The following CFAP99 variants were observed in gnomAD, a reference collection of about 807,000 sequenced individuals.
CFAP99 encodes cilia- and flagella-associated protein 99.
Under a neutral mutation model 82.7 loss-of-function variants are expected in CFAP99, and 84 were observed. That is an observed-to-expected ratio of 1.02 (90% CI 0.85 to 1.22). The LOEUF (loss-of-function observed/expected upper bound fraction) is 1.22, where lower values mean the gene tolerates loss of function less well. Ranked by LOEUF, CFAP99 falls within the 50% of genes most tolerant of loss-of-function variation. The pLI is 0.00. For missense variants in CFAP99, 1,059 were observed against 983.5 expected (o/e 1.08, Z -1.03); for synonymous variants, 456 against 429.5 (o/e 1.06, Z -0.76).
Position 2,436,271 on chromosome 4 carries a change from C to T in CFAP99, c.112-603C>T, listed in dbSNP as rs79655675. On this transcript the variant is annotated intron_variant, in intron 2 of 14. Coordinates refer to ENST00000635017, the Ensembl canonical transcript of CFAP99. ...TACCCGGCTAAGTTTACACTTGACA[C>T]GCCCTTGCAGAGATGTTCCTTGCTC... Among the ~76,000 whole-genome samples the T allele has an allele frequency of 1.1e-4, 16 of 152,214 alleles. No homozygotes were observed. In the East Asian group the frequency reaches 2.7e-3, roughly 26 times the overall value.
In CFAP99 at chr4:2,446,400, T is replaced by TATTATTATG. The variant is rs2108727659; in HGVS notation, c.642+1100_642+1101insGATTATTAT. On this transcript the variant is annotated intron_variant, in intron 6 of 14. Coordinates refer to ENST00000635017, the Ensembl canonical transcript of CFAP99. This position sits in a 1 kb window ranked among gnomAD's most constrained non-coding sequence, Gnocchi z 5.0. ...TTATTATTATTATTATTATTATTAT[T>TATTATTATG]ATTATTATTTGAGACAGAGTCTCGC... Among the ~76,000 whole-genome samples, 1 of 73,606 alleles carries TATTATTATG rather than the reference T, an allele frequency of 1.4e-5. No homozygotes were observed. Among genetic ancestry groups the TATTATTATG allele is most frequent in the African/African-American group, 5.1e-5 (1 of 19,538 alleles). 48.3% of individuals were successfully genotyped at this position (73,606 alleles called of 152,430 possible). A position where few individuals can be genotyped will look rare whatever the true frequency, so the allele number is the denominator to read the frequency against.
At chr4:2,432,059 G>A (rs1733812104) in intron 2 of CFAP99, among the ~76,000 whole-genome samples, 1 of 152,228 alleles carries the variant, frequency 6.6e-6, no homozygotes, top group Admixed American at 6.5e-5. Context: ...TTGCTCATAT[G>A]AGAAGCAGTC....
intron 2 of CFAP99, among the ~76,000 whole-genome samples, chr4:2,432,234 A>G (rs374964735): frequency 7.9e-5 from 12 of 152,310 alleles, no homozygotes; most frequent in Admixed American, 2.0e-4. Context: ...AGGAGAGGAG[A>G]AAGGCAAACA....
chr4:2,426,523 C>T (rs1381121607), exon 2 of CFAP99: 3 of 1,535,934 alleles, frequency 2.0e-6, no homozygotes, highest in Non-Finnish European at 2.6e-6. Context: ...AGCAACTCGA[C>T]AAATTTACAC....
chr4:2,456,523 G>C (rs2108734630), intron 11 of CFAP99, among the ~76,000 whole-genome samples: 1 of 152,208 alleles, frequency 6.6e-6, no homozygotes, highest in African/African-American at 2.4e-5. Flanking sequence ...CAAAAAAAAT[G>C]TTTGTTTGTT....
chr4:2,439,443 G>C (rs568158014), intron 4 of CFAP99, among the ~76,000 whole-genome samples: 3 of 152,280 alleles, frequency 2.0e-5, no homozygotes, highest in Admixed American at 6.5e-5. Flanking sequence ...AGCTCTTCAG[G>C]GGGTGTTCCA....
intron 4 of CFAP99, among the ~76,000 whole-genome samples, chr4:2,442,419 A>C (rs1056360411): frequency 9.9e-5 from 15 of 152,060 alleles, no homozygotes; most frequent in Admixed American, 9.8e-4. Context: ...TGGAGAAGAG[A>C]AGGGCGTGGA....
chr4:2,442,239 A>G (rs1170785038), intron 4 of CFAP99, among the ~76,000 whole-genome samples: 1 of 152,046 alleles, frequency 6.6e-6, no homozygotes, highest in African/African-American at 2.4e-5. Context: ...GTCTGCTCCC[A>G]AATGGGGGTG....
chr4:2,438,092 C>A lies in CFAP99; in HGVS notation c.279C>A (p.Phe93Leu), dbSNP rs560905925. ...TAGTGATCTGCTACCTAGCCACATT[C>A]CTGCTGGAGGAACTCGGCTTCCAGC... The change falls in exon 4 of 15, where the codon TTC becomes TTA. Residue 93 changes from phenylalanine (F) to leucine (L), a missense_variant. Transcript: ENST00000635017. 1.6e-4 allele frequency: 243 copies of A among 1,534,980 alleles called. 1 individual carries two copies. Among genetic ancestry groups the A allele is most frequent in the Middle Eastern group, 1.3e-3 (8 of 5,988 alleles).
intron 8 of CFAP99, chr4:2,450,422 G>A (rs994309595): frequency 1.2e-4 from 35 of 293,560 alleles, no homozygotes; most frequent in Non-Finnish European, 2.1e-4. Flanking sequence ...GGTGGCAAGG[G>A]TCCCACCATG....
chr4:2,455,016 C>T (rs1287450563), intron 11 of CFAP99, among the ~76,000 whole-genome samples: 2 of 152,150 alleles, frequency 1.3e-5, no homozygotes, highest in Non-Finnish European at 2.9e-5. Context: ...GCCTCTCAGG[C>T]TCAAACCATC....
chr4:2,425,299 G>A (rs147750895), intron 1 of CFAP99, among the ~76,000 whole-genome samples: 1 of 152,266 alleles, frequency 6.6e-6, no homozygotes, highest in Non-Finnish European at 1.5e-5. Flanking sequence ...GTGACACCTG[G>A]CCTCCCCTTC....
chr4:2,452,736 T>C (rs1367457415), intron 11 of CFAP99, among the ~76,000 whole-genome samples: 1 of 152,196 alleles, frequency 6.6e-6, no homozygotes, highest in Non-Finnish European at 1.5e-5. Flanking sequence ...TTTTAAGGTT[T>C]GCCTTTTCTT....
intron 14 of CFAP99, among the ~76,000 whole-genome samples, chr4:2,460,718 G>A (rs1393803767): frequency 1.3e-5 from 2 of 152,088 alleles, no homozygotes; most frequent in Non-Finnish European, 2.9e-5. Flanking sequence ...CATTTCCCCA[G>A]GTGTCCAAAG....
exon 2 of CFAP99, chr4:2,426,585 A>G (rs1227455222): frequency 6.5e-7 from 1 of 1,533,296 alleles, no homozygotes; most frequent in Non-Finnish European, 8.7e-7. Context: ...ACCTCCCTGC[A>G]GGTAGGATCT....
At chr4:2,425,871 G>A (rs992811854) in intron 1 of CFAP99, among the ~76,000 whole-genome samples, 2 of 152,180 alleles carry the variant, frequency 1.3e-5, no homozygotes, top group South Asian at 2.1e-4. Flanking sequence ...CAGTGCCCCC[G>A]CAAGCCCTCC....
rs148650085 is a variant in CFAP99 at position 2,448,242 on chromosome 4, G to A, written c.643-1428G>A. ...CATCTCCTCAGGGCTCAGTGTGTTT[G>A]TCTCAGGTCATGCTGCCAACTTCAT... On this transcript the variant is annotated intron_variant, in intron 6 of 14. Transcript: ENST00000635017. The surrounding 1 kb of genome is among the most constrained non-coding windows in gnomAD (Gnocchi z 5.2). Among the ~76,000 whole-genome samples the A allele has an allele frequency of 4.6e-5, 7 of 152,318 alleles. 1 individual carries two copies. Among genetic ancestry groups the A allele is most frequent in the Admixed American group, 3.3e-4 (5 of 15,304 alleles).
At chr4:2,436,771 C>T (rs1004897159) in intron 2 of CFAP99, 103 bp from the exon 3 acceptor site, 2 of 953,368 alleles carry the variant, frequency 2.1e-6, no homozygotes, top group African/African-American at 3.3e-5. Context: ...CCTTTGCAGC[C>T]CCGGGGCCGC....
At chr4:2,435,598 AATG>A (rs1733890381) in intron 2 of CFAP99, among the ~76,000 whole-genome samples, 1 of 152,200 alleles carries the variant, frequency 6.6e-6, no homozygotes, top group African/African-American at 2.4e-5. Flanking sequence ...ATTATTAAAT[AATG>A]ATAATTCACA....
Sources: gnomAD v4.1 joint callset for allele counts (sites outside exome capture counted in the v4.1 genomes callset) on GRCh38, gnomAD v4.1.1 for gene constraint, Gnocchi (gnomAD v3.1) non-coding constraint, MANE v1.5 for transcripts, NCBI Gene and HGNC (gene_info 2026-07-23, HGNC 2026-07-21) for gene names.